The following TTN variants were observed in gnomAD, a reference collection of about 807,000 sequenced individuals.
The protein encoded by TTN is titin.
Under a neutral mutation model 3,223.0 loss-of-function variants are expected in TTN, and 1,525 were observed. The observed-to-expected ratio is 0.47, with a 90% CI of 0.45 to 0.49. The LOEUF is 0.49. Ranked by LOEUF, TTN falls within the 20% of genes least tolerant of loss-of-function variation. TTN has a pLI of 0.00. For missense variants in TTN, 40,786 were observed against 43,424.0 expected (o/e 0.94, Z 5.40); for synonymous variants, 14,094 against 15,161.0 (o/e 0.93, Z 5.17).
intron 47 of TTN, among the ~76,000 whole-genome samples, chr2:178,752,515 G>T (rs1023082731): frequency 1.3e-5 from 2 of 151,970 alleles, no homozygotes; most frequent in Non-Finnish European, 2.9e-5. Flanking sequence ...AATAAAATGA[G>T]AAGGCGTTTA....
rs1196579817 is a variant in TTN, at chr2:178,537,893, T to A, written c.99314A>T (p.Lys33105Ile). 2 of 1,611,664 alleles carry A rather than the reference T, an allele frequency of 1.2e-6. No individual in the cohort carries two copies. Among genetic ancestry groups the A allele is most frequent in the African/African-American group, 1.3e-5 (1 of 74,854 alleles). The change falls in exon 355 of 363, where the codon AAA (lysine) becomes ATA (isoleucine). Residue 33105 changes from lysine (K) to isoleucine (I), a missense_variant. Coordinates refer to ENST00000589042, the MANE Select transcript of TTN (RefSeq NM_001267550.2). ...LTSGEAPGIR[K>I]EMKDVTTKLG... ...TTTTGTGGTAACATCCTTCATTTCT[T>A]TGCGTATTCCTGGGGCCTCTCCAGC...
At chr2:178,700,500 G>T (rs1365500863) in intron 111 of TTN, among the ~76,000 whole-genome samples, 5 of 152,196 alleles carry the variant, frequency 3.3e-5, no homozygotes, top group Non-Finnish European at 1.5e-5. Context: ...ACTCCAGAAA[G>T]TCCCAGGAAA....
intron 135 of TTN, among the ~76,000 whole-genome samples, chr2:178,682,346 A>G (rs2069629063): frequency 1.3e-5 from 2 of 152,002 alleles, no homozygotes; most frequent in Admixed American, 1.3e-4. Flanking sequence ...GATGTTCAGA[A>G]ATTTTTAACC....
Position 178,706,716 on chromosome 2 carries a change from T to C in TTN, c.29158A>G (p.Lys9720Glu), listed in dbSNP as rs780071353. 3.1e-6 allele frequency: 5 copies of C among 1,609,708 alleles called. No homozygotes were observed. Among genetic ancestry groups the C allele is most frequent in the Non-Finnish European group, 4.2e-6 (5 of 1,176,852 alleles). Residue 9720 changes from lysine to glutamate, a missense_variant, in exon 102 of 363, where the codon AAA (lysine) becomes GAA (glutamate). Lys to Glu is a moderately conservative substitution (Grantham distance 56, BLOSUM62 1). Coordinates refer to ENST00000589042, the MANE Select transcript of TTN (RefSeq NM_001267550.2). ...TTTGGGATTGGGTCACCTCCAACTT[T>C]TGCAATGAAGGTCGCAGTGGTTTCT... ...VEKTTATFIA[K>E]VGGDPIPNVK... is the part of the protein sequence containing the mutation.
rs761143099 is a variant in TTN, at chr2:178,537,730, T to C, written c.99477A>G (p.Thr33159=). 1.2e-6 allele frequency: 2 copies of C among 1,613,824 alleles called. No individual in the cohort carries two copies. The highest frequency in any genetic ancestry group is 1.3e-5 in the African/African-American group (1 of 75,052). Residue 33159 remains threonine (T), a synonymous_variant, in exon 355 of 363, where the codon ACA becomes ACG. Transcript: ENST00000589042. ...MSSDGRTHTL[T]VMTEEQEDEG... ...CATCTTCCTGTTCCTCTGTCATTAC[T>C]GTAAGAGTGTGTGTGCGTCCATCTG...
chr2:178,764,081 G>A, intron 43 of TTN, 96 bp downstream of exon 43: 1 of 1,541,876 alleles, frequency 6.5e-7, no homozygotes, highest in Non-Finnish European at 9.0e-7. Context: ...AATTATGCAT[G>A]AGAGATGTTT....
At position 178,534,179 on chromosome 2, in the gene TTN, C is replaced by T. The variant is rs1690412972; in HGVS notation, c.102436G>A (p.Val34146Ile). The T allele has an allele frequency of 6.2e-7, 1 of 1,613,982 alleles. No individual in the cohort carries two copies. Among genetic ancestry groups the T allele is most frequent in the South Asian group, 1.1e-5 (1 of 91,088 alleles). Residue 34146 changes from valine to isoleucine, a missense_variant, in exon 358 of 363, where the codon GTT (valine) becomes ATT (isoleucine). Physicochemically the swap from Val to Ile is conservative, Grantham distance 29 (BLOSUM62 3). Transcript: ENST00000589042. ...GPVSGQIMHA[V>I]GEEGGHVKYV... Reference sequence around the variant, plus strand: ...TTGACATGTCCTCCTTCTTCACCAACTGCATGCATTATCTGCCCAGAAACT... The same window carrying T: ...TTGACATGTCCTCCTTCTTCACCAATTGCATGCATTATCTGCCCAGAAACT...
chr2:178,625,860 G>A (rs1225916905), intron 240 of TTN, among the ~76,000 whole-genome samples: 1 of 151,888 alleles, frequency 6.6e-6, no homozygotes, highest in Non-Finnish European at 1.5e-5. Flanking sequence ...ATGCAGTTTG[G>A]GATCTTTCAA....
At position 178,701,590 on chromosome 2, in the gene TTN, G is replaced by T; in HGVS notation, c.30539-3C>A. ...TGGAACTCTGGAGTCAGGAATATCT[G>T]GAAAGGGACATGTAATAAGCATAGA... On this transcript the variant is annotated splice_polypyrimidine_tract_variant and splice_region_variant and intron_variant, in intron 109 of 362. Transcript: ENST00000589042. The T allele has an allele frequency of 6.2e-7, 1 of 1,613,510 alleles. No individual in the cohort carries two copies.
intron 64 of TTN, 55 bp from the exon 65 acceptor site, chr2:178,729,224 T>TATTTA: frequency 6.5e-7 from 1 of 1,549,442 alleles, no homozygotes; most frequent in Non-Finnish European, 8.7e-7. Flanking sequence ...CTCCTACCCA[T>TATTTA]AATGATAAGA....
At chr2:178,581,879 A>T in intron 315 of TTN, 27 bp downstream of exon 315, 1 of 1,611,042 alleles carries the variant, frequency 6.2e-7, no homozygotes, top group Non-Finnish European at 8.5e-7. Context: ...TTAACACAGG[A>T]TATGGAACTC....
At chr2:178,760,373 TAC>T (rs2154337553) in intron 43 of TTN, among the ~76,000 whole-genome samples, 1 of 151,892 alleles carries the variant, frequency 6.6e-6, no homozygotes, top group South Asian at 2.1e-4. Context: ...CTCCTGAAAA[TAC>T]AAAAATTAGC....
At position 178,741,097 on chromosome 2, in the gene TTN, G is replaced by A; in HGVS notation, c.12136C>T (p.Pro4046Ser). 1 of 1,613,854 alleles carries A rather than the reference G, an allele frequency of 6.2e-7. No individual in the cohort carries two copies. The change falls in exon 48 of 363, where the codon CCA becomes TCA. Residue 4046 changes from proline to serine, a missense_variant. Pro to Ser is a moderately conservative substitution (Grantham distance 74). Coordinates refer to ENST00000589042, the MANE Select transcript of TTN (RefSeq NM_001267550.2). ...TDTPCKAKSTPEAPEDFPQTP... is the reference protein window; with the variant it reads ...TDTPCKAKSTSEAPEDFPQTP... ...TGTGGAAAATCCTCAGGAGCCTCTG[G>A]TGTGGACTTTGCTTTGCAGGGGGTA...
In TTN at chr2:178,565,213, A is replaced by G; in HGVS notation, c.80919T>C (p.Pro26973=). Reference sequence around the variant, plus strand: ...ACCGAACTGGGCCAACTGGAGGTCCAGGCTTTTCTAAAACGATAACACTGA... The same window carrying G: ...ACCGAACTGGGCCAACTGGAGGTCCGGGCTTTTCTAAAACGATAACACTGA... ...ENLSVIVLEK[P]GPPVGPVRFD... is the part of the protein sequence containing the mutation. Residue 26973 remains proline, a synonymous_variant, in exon 326 of 363, where the codon CCT becomes CCC. Coordinates refer to ENST00000589042, the MANE Select transcript of TTN (RefSeq NM_001267550.2). The G allele has an allele frequency of 6.2e-7, 1 of 1,613,608 alleles. No homozygotes were observed. Among genetic ancestry groups the G allele is most frequent in the Non-Finnish European group, 8.5e-7 (1 of 1,179,672 alleles).
intron 69 of TTN, chr2:178,726,636 G>C (rs1368142958): frequency 6.5e-6 from 1 of 153,294 alleles, no homozygotes; most frequent in Non-Finnish European, 1.5e-5. Context: ...ATCCTTGAGA[G>C]AGAAGGAAAA....
rs1463140203 is a variant in TTN, at chr2:178,764,301, A to C, written c.9990T>G (p.Val3330=). ...CCTGATCAGGAGACACAACTTCTGG[A>C]ACTAAAGAAAGAAACCACAAGATTT... ...ATTSASLSVE[V]PEVVSPDQEM... is the part of the protein sequence containing the mutation. Residue 3330 remains valine, a splice_region_variant and synonymous_variant, in exon 43 of 363, where the codon GTT becomes GTG. Transcript: ENST00000589042. The C allele has an allele frequency of 1.2e-6, 2 of 1,613,812 alleles. No individual in the cohort carries two copies. The highest frequency in any genetic ancestry group is 3.3e-5 in the Admixed American group (2 of 59,984).
chr2:178,771,858 A>G (rs1282342879), intron 33 of TTN, among the ~76,000 whole-genome samples: 3 of 152,250 alleles, frequency 2.0e-5, no homozygotes, highest in Admixed American at 6.5e-5. Context: ...TTGCTAAACA[A>G]AATGTACGAG....
intron 47 of TTN, chr2:178,748,395 T>C: frequency 6.2e-7 from 1 of 1,613,236 alleles, no homozygotes; most frequent in South Asian, 1.1e-5. Flanking sequence ...GCAAATACAT[T>C]ATTTTGCACA....
At position 178,554,311 on chromosome 2, in the gene TTN, TA is replaced by T. The variant is rs1700464199; in HGVS notation, c.88895-96del. 7 of 1,447,184 alleles carry T rather than the reference TA, an allele frequency of 4.8e-6. No individual in the cohort carries two copies. The Admixed American group carries it at 1.6e-4, about 33-fold the overall frequency. The allele number at this position is 1,447,184 out of a possible 1,614,324, so 89.6% of individuals were successfully genotyped here. A position where few individuals can be genotyped will look rare whatever the true frequency, so the allele number is the denominator to read the frequency against. On this transcript the variant is annotated intron_variant, in intron 332 of 362. Coordinates refer to ENST00000589042, the MANE Select transcript of TTN (RefSeq NM_001267550.2). ...GCATTCTTTCCAAGAACATTGGTTT[TA>T]TTTTTTATATTTTTCACCTTGTGAA...
Sources: gnomAD v4.1 joint callset for allele counts (sites outside exome capture counted in the v4.1 genomes callset) on GRCh38, gnomAD v4.1.1 for gene constraint, MANE v1.5 for transcripts, NCBI Gene and HGNC (gene_info 2026-07-23, HGNC 2026-07-21) for gene names.